The following KIAA1549 variants were observed in gnomAD, a reference collection of about 807,000 sequenced individuals.
KIAA1549 encodes UPF0606 protein KIAA1549.
Under a neutral mutation model 156.4 loss-of-function variants are expected in KIAA1549, and 70 were observed. The ratio of observed to expected loss-of-function variants is 0.45; its 90% confidence interval spans 0.37 to 0.55. KIAA1549 has a LOEUF of 0.55. Among genes scored for constraint, KIAA1549 ranks in the 20% least tolerant of loss-of-function variants. The pLI is 0.00. For synonymous variants in KIAA1549, 1,103 were observed against 1,066.4 expected (o/e 1.03, Z -0.67); for missense variants, 2,428 against 2,540.9 (o/e 0.96, Z 0.96).
intron 1 of KIAA1549, among the ~76,000 whole-genome samples, chr7:138,931,933 G>A (rs928927182): frequency 1.3e-5 from 2 of 152,080 alleles, no homozygotes; most frequent in African/African-American, 4.8e-5. Context: ...TTAAGGTTTT[G>A]TTTTTCACAT....
At chr7:138,928,773 T>C (rs1424702924) in intron 1 of KIAA1549, among the ~76,000 whole-genome samples, 2 of 152,204 alleles carry the variant, frequency 1.3e-5, no homozygotes, top group Admixed American at 6.5e-5. Flanking sequence ...AAAAAAACAA[T>C]GTACATCTCC....
chr7:138,905,477 C>T lies in KIAA1549; in HGVS notation c.3461-396G>A, dbSNP rs973224713. On this transcript the variant is annotated intron_variant, in intron 6 of 19. Transcript: ENST00000422774. The stretch of plus-strand genomic sequence containing the variant: ...AGGACCAGCCAGTGTGCCCCGCCGT[C>T]CGGCATCCTCATTTTAGCCATACAC... Among the ~76,000 whole-genome samples, 75 of 152,236 alleles carry T rather than the reference C, an allele frequency of 4.9e-4. 6 individuals carry two copies.
In KIAA1549 at chr7:138,832,191, CT is replaced by C. The variant is rs749938588; in HGVS notation, c.*5714del. ...TCACCTCTGTCCCTTTTACCTATTC[CT>C]TTTTTTTTTTTTTTTTTTTCCAGAG... On this transcript the variant is annotated 3_prime_UTR_variant, in exon 20 of 20. Transcript: ENST00000422774. 0.37 allele frequency: 52,661 copies of C among 143,188 alleles called. 8,777 individuals carry two copies. Among genetic ancestry groups the C allele is most frequent in the East Asian group, 0.51 (4,821 of 9,512 alleles). The allele number at this position is 143,188 out of a possible 1,614,324, so 8.9% of individuals were successfully genotyped here.
At chr7:138,965,526 C>T (rs2130563581) in intron 1 of KIAA1549, among the ~76,000 whole-genome samples, 1 of 152,292 alleles carries the variant, frequency 6.6e-6, no homozygotes, top group East Asian at 1.9e-4. Context: ...GAAGACAATA[C>T]AATTACCCAT....
At chr7:138,889,593 C>A (rs758314377) in intron 10 of KIAA1549, among the ~76,000 whole-genome samples, 1 of 152,144 alleles carries the variant, frequency 6.6e-6, no homozygotes, top group East Asian at 1.9e-4. Context: ...ACTGAAGTAC[C>A]AAACTGACTG....
intron 1 of KIAA1549, among the ~76,000 whole-genome samples, chr7:138,928,534 G>A (rs371123420): frequency 9.2e-5 from 14 of 152,136 alleles, no homozygotes; most frequent in East Asian, 1.9e-4. Flanking sequence ...TGATCCACCC[G>A]CCTCAGCCTC....
At chr7:138,939,844 T>C (rs1203503709) in intron 1 of KIAA1549, among the ~76,000 whole-genome samples, 1 of 152,146 alleles carries the variant, frequency 6.6e-6, no homozygotes, top group East Asian at 1.9e-4. Flanking sequence ...TTTTTAAGCC[T>C]GCATTAATTA....
At chr7:138,922,139 A>G (rs912515151) in intron 1 of KIAA1549, among the ~76,000 whole-genome samples, 7 of 152,212 alleles carry the variant, frequency 4.6e-5, no homozygotes, top group African/African-American at 1.7e-4. Flanking sequence ...AGGGAAAAGT[A>G]TATGTCTCAG....
intron 1 of KIAA1549, among the ~76,000 whole-genome samples, chr7:138,929,258 C>T (rs534491692): frequency 6.6e-6 from 1 of 152,348 alleles, no homozygotes; most frequent in East Asian, 1.9e-4. Context: ...GAATATTCTA[C>T]ATCCTTTGTT....
intron 9 of KIAA1549, among the ~76,000 whole-genome samples, chr7:138,897,016 T>A (rs964362193): frequency 6.6e-6 from 1 of 152,166 alleles, no homozygotes; most frequent in Non-Finnish European, 1.5e-5. Context: ...TGAGGCTTCC[T>A]TCAATCGCCA....
At chr7:138,844,227 G>T in intron 18 of KIAA1549, 90 bp downstream of exon 18, 1 of 1,450,132 alleles carries the variant, frequency 6.9e-7, no homozygotes, top group Non-Finnish European at 9.5e-7. Context: ...AGAGGCCTCT[G>T]CACACTGACA....
chr7:138,840,133 G>A lies in KIAA1549; in HGVS notation c.5598C>T (p.Ala1866=), dbSNP rs1336694554. 1.7e-5 allele frequency: 26 copies of A among 1,550,708 alleles called. No individual in the cohort carries two copies. The highest frequency in any genetic ancestry group is 2.4e-5 in the East Asian group (1 of 40,892). Residue 1866 remains alanine, a splice_region_variant and synonymous_variant, in exon 19 of 20, where the codon GCC becomes GCT. Transcript: ENST00000422774. ...GATGACCCAAACAGGAGATACTCAC[G>A]GCCTCTCTTCGCCCCGCTTCGTCCT... ...YGEDEAGRRE[A]THMLGHQEYS... is the part of the protein sequence containing the mutation.
intron 10 of KIAA1549, among the ~76,000 whole-genome samples, chr7:138,883,472 CGGG>C (rs1811308120): frequency 6.6e-6 from 1 of 151,762 alleles, no homozygotes; most frequent in Admixed American, 6.6e-5. Flanking sequence ...GCCACCATGC[CGGG>C]GGTAATTTTT....
At chr7:138,859,947 G>C (rs1439389389) in intron 16 of KIAA1549, among the ~76,000 whole-genome samples, 1 of 152,158 alleles carries the variant, frequency 6.6e-6, no homozygotes, top group African/African-American at 2.4e-5. Flanking sequence ...ATGCTATTTT[G>C]TCCAGAAAAA....
intron 11 of KIAA1549, 32 bp from the exon 12 acceptor site, chr7:138,879,685 A>G (rs1433768975): frequency 1.5e-6 from 2 of 1,326,130 alleles, no homozygotes; most frequent in South Asian, 1.3e-5. Flanking sequence ...CAAACATTAG[A>G]AACAAGAAAG....
At chr7:138,937,220 C>G (rs372512111) in intron 1 of KIAA1549, among the ~76,000 whole-genome samples, 4 of 152,150 alleles carry the variant, frequency 2.6e-5, no homozygotes, top group African/African-American at 9.6e-5. Context: ...ACCCCAGAAC[C>G]CCCTTTTCCA....
intron 1 of KIAA1549, among the ~76,000 whole-genome samples, chr7:138,933,976 A>G (rs1228266377): frequency 6.6e-6 from 1 of 152,186 alleles, no homozygotes; most frequent in Non-Finnish European, 1.5e-5. Flanking sequence ...AAAAATAATA[A>G]TAGTAAAATA....
intron 5 of KIAA1549, among the ~76,000 whole-genome samples, chr7:138,907,372 A>G (rs1044660644): frequency 1.3e-5 from 2 of 152,234 alleles, no homozygotes; most frequent in African/African-American, 4.8e-5. Context: ...AGCTGAACAC[A>G]GGGGAATAAA....
At chr7:138,903,848 T>TGA in intron 7 of KIAA1549, 112 bp from the exon 8 acceptor site, 1 of 340,530 alleles carries the variant, frequency 2.9e-6, no homozygotes. Flanking sequence ...TGTGTGTGTG[T>TGA]GTGTGCGCGC....
Sources: allele counts gnomAD v4.1 joint callset (sites outside exome capture counted in the v4.1 genomes callset), GRCh38; gene constraint gnomAD v4.1.1; transcripts MANE v1.5; gene names NCBI Gene and HGNC (gene_info 2026-07-23, HGNC 2026-07-21).